YWHAG: variants seen among roughly 807,000 people sequenced by gnomAD.
YWHAG encodes the protein tyrosine 3-monooxygenase/tryptophan 5-monooxygenase activation protein gamma, also known as 14-3-3 protein gamma.
In YWHAG, 1 loss-of-function variant was observed where a neutral mutation model predicts 23.3. The ratio of observed to expected loss-of-function variants is 0.04; its 90% CI spans 0.02 to 0.20. The LOEUF (loss-of-function observed/expected upper bound fraction) is 0.20. YWHAG is among the 10% of genes least tolerant of loss of function. The pLI is 1.00. For missense variants in YWHAG, 151 were observed against 338.6 expected, an observed-to-expected ratio of 0.45 and a Z score of 4.35; for synonymous variants, 160 against 144.0, an observed-to-expected ratio of 1.11 and a Z score of -0.80.
rs538066643 is a variant in YWHAG, at chr7:76,327,602, T to C, written c.*1975A>G. 1 of 145,236 alleles carries C rather than the reference T, an allele frequency of 6.9e-6. No homozygotes were observed. The highest frequency in any genetic ancestry group is 1.5e-5 in the Non-Finnish European group (1 of 67,310). The allele number at this position is 145,236 out of a possible 1,614,324, so 9.0% of individuals were successfully genotyped here. A position where few individuals can be genotyped will look rare whatever the true frequency, so the allele number is the denominator to read the frequency against. ...ATTCCAGTAAATCATTTCCAAATGC[T>C]ACAAGGAAAAACGCAACACTGCTCA... On this transcript the variant is annotated 3_prime_UTR_variant, in exon 2 of 2. Transcript: ENST00000307630.
chr7:76,339,015 T>C (rs919812058), intron 1 of YWHAG, among the ~76,000 whole-genome samples: 1 of 152,194 alleles, frequency 6.6e-6, no homozygotes, highest in Non-Finnish European at 1.5e-5. Flanking sequence ...CAATTTACCC[T>C]GTTATTCATA....
At chr7:76,334,432 T>C (rs1019345685) in intron 1 of YWHAG, among the ~76,000 whole-genome samples, 3 of 152,234 alleles carry the variant, frequency 2.0e-5, no homozygotes, top group African/African-American at 7.2e-5. Context: ...AAATTTGTTG[T>C]TGTTGTTTAA....
At position 76,329,678 on chromosome 7, in the gene YWHAG, A is replaced by C; in HGVS notation, c.643T>G (p.Ser215Ala). The change falls in exon 2 of 2, where the codon TCC (serine) becomes GCC (alanine). Residue 215 changes from serine to alanine, a missense_variant. Transcript: ENST00000307630. This position sits in a 1 kb window ranked among gnomAD's most constrained non-coding sequence, Gnocchi z 6.1. Reference protein sequence around the residue: ...IAELDTLNEDSYKDSTLIMQL... With the variant: ...IAELDTLNEDAYKDSTLIMQL... Reference sequence around the variant, plus strand: ...ATGATGAGCGTGGAGTCCTTGTAGGAGTCCTCGTTGAGGGTGTCAAGCTCG... The same window carrying C: ...ATGATGAGCGTGGAGTCCTTGTAGGCGTCCTCGTTGAGGGTGTCAAGCTCG... The C allele has an allele frequency of 6.2e-7, 1 of 1,614,216 alleles. No individual in the cohort carries two copies. The highest frequency in any genetic ancestry group is 8.5e-7 in the Non-Finnish European group (1 of 1,180,054).
intron 1 of YWHAG, among the ~76,000 whole-genome samples, chr7:76,333,278 A>G (rs1803571749): frequency 6.6e-6 from 1 of 151,846 alleles, no homozygotes; most frequent in Non-Finnish European, 1.5e-5. Flanking sequence ...CCATTTAAAA[A>G]TTTTTAGTAG....
chr7:76,345,522 C>T (rs1053903254), intron 1 of YWHAG, among the ~76,000 whole-genome samples: 1 of 152,004 alleles, frequency 6.6e-6, no homozygotes. Context: ...TTGATCACTG[C>T]CTCCTTTGTT....
rs1803517870 is a variant in YWHAG, at chr7:76,329,868, C to T, written c.453G>A (p.Glu151=). 1 of 1,613,994 alleles carries T rather than the reference C, an allele frequency of 6.2e-7. No individual in the cohort carries two copies. Among genetic ancestry groups the T allele is most frequent in the African/African-American group, 1.3e-5 (1 of 74,986 alleles). ...TCTCGTGGGCTTCGCTGTAGGCCTT[C>T]TCGGAGGACTCCACCACCGTCGCCC... ...EKRATVVESS[E]KAYSEAHEIS... is the part of the protein sequence containing the mutation. The change falls in exon 2 of 2, where the codon GAG becomes GAA. Residue 151 remains glutamate (E), a synonymous_variant. Coordinates refer to ENST00000307630, the MANE Select transcript of YWHAG (RefSeq NM_012479.4). This position sits in a 1 kb window ranked among gnomAD's most constrained non-coding sequence, Gnocchi z 6.1.
At chr7:76,342,896 G>C (rs1461347715) in intron 1 of YWHAG, among the ~76,000 whole-genome samples, 1 of 152,014 alleles carries the variant, frequency 6.6e-6, no homozygotes, top group Non-Finnish European at 1.5e-5. Flanking sequence ...CACCACTTTG[G>C]GAGGCCGAGG....
At position 76,329,492 on chromosome 7, in the gene YWHAG, C is replaced by CAA; in HGVS notation, c.*84_*85insTT. 1.0e-5 allele frequency: 11 copies of CAA among 1,070,700 alleles called. No homozygotes were observed. Among genetic ancestry groups the CAA allele is most frequent in the Non-Finnish European group, 1.3e-5 (10 of 782,482 alleles). 66.3% of individuals were successfully genotyped at this position (1,070,700 alleles called of 1,614,324 possible). A position where few individuals can be genotyped will look rare whatever the true frequency, so the allele number is the denominator to read the frequency against. ...CTGGGAAGGTCATCCCTCCCTTTCC[C>CAA]TCCCCCACCCGACCCCCAACTCATG... On this transcript the variant is annotated 3_prime_UTR_variant, in exon 2 of 2. Transcript: ENST00000307630. This position sits in a 1 kb window ranked among gnomAD's most constrained non-coding sequence, Gnocchi z 6.1.
At position 76,329,508 on chromosome 7, in the gene YWHAG, C is replaced by A; in HGVS notation, c.*69G>T. ...TCCCTTTCCCTCCCCCACCCGACCC[C>A]CAACTCATGGGAAAAAAATAAAGAC... On this transcript the variant is annotated 3_prime_UTR_variant, in exon 2 of 2. Coordinates refer to ENST00000307630, the MANE Select transcript of YWHAG (RefSeq NM_012479.4). The surrounding 1 kb of genome is among the most constrained non-coding windows in gnomAD (Gnocchi z 6.1). 1.4e-6 allele frequency: 2 copies of A among 1,418,582 alleles called. No individual in the cohort carries two copies. Among genetic ancestry groups the A allele is most frequent in the Non-Finnish European group, 1.9e-6 (2 of 1,067,664 alleles). 87.9% of individuals were successfully genotyped at this position (1,418,582 alleles called of 1,614,324 possible).
chr7:76,358,667 A>T, intron 1 of YWHAG, 55 bp downstream of exon 1: 1 of 1,508,176 alleles, frequency 6.6e-7, no homozygotes, highest in South Asian at 1.2e-5. Flanking sequence ...TTCCACGCCA[A>T]GGACCGCGTC....
chr7:76,339,005 C>T (rs975313758), intron 1 of YWHAG, among the ~76,000 whole-genome samples: 9 of 152,186 alleles, frequency 5.9e-5, no homozygotes, highest in Non-Finnish European at 8.8e-5. Flanking sequence ...ACCCTCTCCA[C>T]AATTTACCCT....
In YWHAG at chr7:76,332,680, A is replaced by G. The variant is rs536140589; in HGVS notation, c.88-2447T>C. Among the ~76,000 whole-genome samples the G allele has an allele frequency of 5.7e-3, 855 of 150,318 alleles. 10 individuals carry two copies. Among genetic ancestry groups the G allele is most frequent in the African/African-American group, 0.019 (797 of 40,966 alleles). On this transcript the variant is annotated intron_variant, in intron 1 of 1. Transcript: ENST00000307630. ...GGACTACAGGTGTGCACCACCATGC[A>G]TGGCTGATTTCTTTTTTTTTTTTTT...
chr7:76,340,848 T>C (rs1277276447), intron 1 of YWHAG, among the ~76,000 whole-genome samples: 3 of 152,200 alleles, frequency 2.0e-5, no homozygotes, highest in East Asian at 1.9e-4. Flanking sequence ...CTCCCAGATA[T>C]ACACAAGAGA....
intron 1 of YWHAG, among the ~76,000 whole-genome samples, chr7:76,344,825 C>A (rs1414688884): frequency 6.6e-6 from 1 of 152,212 alleles, no homozygotes; most frequent in Admixed American, 6.5e-5. Flanking sequence ...ACTCTTGTAA[C>A]CTCCCAGTCC....
In YWHAG at chr7:76,358,831, G is replaced by A. The variant is rs1336806873; in HGVS notation, c.-23C>T. ...CATCTTCGCGGGGCTGGGTCTGGCC[G>A]GAGAAGGAGGAGGACACTGGGGCGG... On this transcript the variant is annotated 5_prime_UTR_variant, in exon 1 of 2. Coordinates refer to ENST00000307630, the MANE Select transcript of YWHAG (RefSeq NM_012479.4). 4.4e-6 allele frequency: 7 copies of A among 1,580,754 alleles called. No homozygotes were observed. The highest frequency in any genetic ancestry group is 6.0e-6 in the Non-Finnish European group (7 of 1,164,436).
At chr7:76,330,713 C>A (rs1254195777) in intron 1 of YWHAG, among the ~76,000 whole-genome samples, 1 of 152,218 alleles carries the variant, frequency 6.6e-6, no homozygotes, top group Non-Finnish European at 1.5e-5. Flanking sequence ...CATGTGAATT[C>A]TAAACCTCAG....
chr7:76,358,682 G>T (rs1173030471), intron 1 of YWHAG, 40 bp downstream of exon 1: 2 of 1,541,062 alleles, frequency 1.3e-6, no homozygotes, highest in Non-Finnish European at 1.8e-6. Context: ...CGCGTCTTCG[G>T]AGGGGCAGGG....
At chr7:76,355,980 T>G (rs1803949807) in intron 1 of YWHAG, among the ~76,000 whole-genome samples, 1 of 152,208 alleles carries the variant, frequency 6.6e-6, no homozygotes, top group Non-Finnish European at 1.5e-5. Flanking sequence ...CCTCTTTCCT[T>G]CTTTTCAAAA....
intron 1 of YWHAG, among the ~76,000 whole-genome samples, chr7:76,333,555 T>C (rs1803574626): frequency 1.3e-5 from 2 of 152,222 alleles, no homozygotes; most frequent in South Asian, 4.1e-4. Context: ...GAGTGTCTCT[T>C]CTCCGTTTCA....
Sources: allele counts gnomAD v4.1 joint callset (sites outside exome capture counted in the v4.1 genomes callset), GRCh38; gene constraint gnomAD v4.1.1; non-coding constraint Gnocchi (gnomAD v3.1); transcripts MANE v1.5; gene names NCBI Gene and HGNC (gene_info 2026-07-23, HGNC 2026-07-21).